TAFA2: variants seen among roughly 807,000 people sequenced by gnomAD.
The protein encoded by TAFA2 is chemokine-like protein TAFA-2.
A neutral mutation model predicts 18.8 loss-of-function variants in TAFA2; 7 were observed. The ratio of observed to expected loss-of-function variants is 0.37; its 90% confidence interval spans 0.21 to 0.70. The LOEUF (loss-of-function observed/expected upper bound fraction) is 0.70. Ranked by LOEUF, TAFA2 falls within the 30% of genes least tolerant of loss-of-function variation. The pLI, the probability that TAFA2 is intolerant of heterozygous loss-of-function variation, is 0.53. For missense variants in TAFA2, 122 were observed against 158.1 expected (o/e 0.77, Z 1.23); for synonymous variants, 60 against 54.2 (o/e 1.11, Z -0.47).
chr12:61,910,118 G>A (rs1028750474), intron 1 of TAFA2, among the ~76,000 whole-genome samples: 2 of 151,394 alleles, frequency 1.3e-5, no homozygotes, highest in Non-Finnish European at 2.9e-5. Context: ...GTGTGTGTGT[G>A]TGTGTGTGTG....
At chr12:61,903,083 A>G (rs761358532) in intron 1 of TAFA2, among the ~76,000 whole-genome samples, 5 of 152,056 alleles carry the variant, frequency 3.3e-5, no homozygotes, top group Non-Finnish European at 7.4e-5. Context: ...TCACCACACA[A>G]TTCTTTCTAC....
rs533422014 is a variant in TAFA2 at position 61,901,797 on chromosome 12, C to T, written c.-1-34371G>A. Among the ~76,000 whole-genome samples, 5 of 152,220 alleles carry T rather than the reference C, an allele frequency of 3.3e-5. No individual in the cohort carries two copies. The South Asian group carries it at 1.0e-3, about 32-fold the overall frequency. ...TCGGGAGGCAATTTTTGATTGTATA[C>T]CATGCCAGTTACTGGTTATTACAAT... On this transcript the variant is annotated intron_variant, in intron 1 of 4. Coordinates refer to ENST00000416284, the MANE Select transcript of TAFA2 (RefSeq NM_178539.5).
At position 62,048,846 on chromosome 12, in the gene TAFA2, T is replaced by A. The variant is rs557061936; in HGVS notation, c.-2+142413A>T. On this transcript the variant is annotated intron_variant, in intron 1 of 4. Coordinates refer to ENST00000416284, the MANE Select transcript of TAFA2 (RefSeq NM_178539.5). ...ATGACAGCACGACCAGCAGTGTGTA[T>A]TTCAGCTGAGTACTGCATATATAGG... 3.3e-5 allele frequency among the ~76,000 whole-genome samples: 5 copies of A among 152,296 alleles called. No individual in the cohort carries two copies. In the South Asian group the frequency reaches 1.0e-3, roughly 32 times the overall value.
chr12:62,041,803 T>C (rs1313781626), intron 1 of TAFA2, among the ~76,000 whole-genome samples: 1 of 152,202 alleles, frequency 6.6e-6, no homozygotes, highest in Non-Finnish European at 1.5e-5. Flanking sequence ...CATAAAGGTT[T>C]ATGCTTTAAT....
chr12:61,983,649 A>C (rs909252673), intron 1 of TAFA2, among the ~76,000 whole-genome samples: 1 of 152,022 alleles, frequency 6.6e-6, no homozygotes, highest in Non-Finnish European at 1.5e-5. Context: ...CTCGTGATCC[A>C]CCTGCCTTGC....
intron 1 of TAFA2, among the ~76,000 whole-genome samples, chr12:62,111,899 T>A (rs1869749277): frequency 6.6e-6 from 1 of 152,192 alleles, no homozygotes; most frequent in South Asian, 2.1e-4. Flanking sequence ...GTGAGATAGG[T>A]CTCTTGAATA....
At chr12:61,795,164 G>A (rs547184719) in intron 2 of TAFA2, among the ~76,000 whole-genome samples, 266 of 152,246 alleles carry the variant, frequency 1.7e-3, no homozygotes, top group African/African-American at 5.6e-3. Context: ...TTGTGGAAGA[G>A]AGTGTGGCAA....
intron 1 of TAFA2, chr12:62,207,391 G>A (rs2062696463): frequency 6.6e-6 from 1 of 151,996 alleles, no homozygotes; most frequent in African/African-American, 2.4e-5. Flanking sequence ...CATTCTCCTA[G>A]CTACTAGAGT....
chr12:61,962,687 C>T (rs1364742698), intron 1 of TAFA2, among the ~76,000 whole-genome samples: 6 of 151,970 alleles, frequency 3.9e-5, no homozygotes, highest in African/African-American at 1.2e-4. Context: ...TCTTTCTATG[C>T]TCATGTAAAA....
chr12:62,069,333 C>T (rs983203189), intron 1 of TAFA2, among the ~76,000 whole-genome samples: 1 of 152,140 alleles, frequency 6.6e-6, no homozygotes, highest in Non-Finnish European at 1.5e-5. Flanking sequence ...TAATCTGATG[C>T]TCTTACTATG....
chr12:62,015,629 A>C (rs1354587284), intron 1 of TAFA2, among the ~76,000 whole-genome samples: 2 of 152,186 alleles, frequency 1.3e-5, no homozygotes, highest in Non-Finnish European at 2.9e-5. Flanking sequence ...TGCCCTCATG[A>C]TGTGATAATG....
chr12:61,978,496 T>C (rs1374154663), intron 1 of TAFA2, among the ~76,000 whole-genome samples: 3 of 151,838 alleles, frequency 2.0e-5, no homozygotes, highest in African/African-American at 4.8e-5. Flanking sequence ...GAAAGGAGGA[T>C]TGACATACAC....
At chr12:61,893,494 A>C (rs1377807966) in intron 1 of TAFA2, among the ~76,000 whole-genome samples, 1 of 152,162 alleles carries the variant, frequency 6.6e-6, no homozygotes, top group South Asian at 2.1e-4. Context: ...TCTGGTAGAG[A>C]GGGTGAAGTG....
At chr12:62,160,956 G>C (rs980028510) in intron 1 of TAFA2, among the ~76,000 whole-genome samples, 1 of 152,056 alleles carries the variant, frequency 6.6e-6, no homozygotes, top group Non-Finnish European at 1.5e-5. Flanking sequence ...ATGAATGAAT[G>C]AATGAATGAA....
chr12:62,112,476 C>T (rs1869778145), intron 1 of TAFA2, among the ~76,000 whole-genome samples: 1 of 152,066 alleles, frequency 6.6e-6, no homozygotes, highest in East Asian at 1.9e-4. Context: ...TGGGATTGCT[C>T]TTCTCAAGGA....
In TAFA2 at chr12:61,815,178, T is replaced by C. The variant is rs972335613; in HGVS notation, c.106+52142A>G. ...GGAGGACATATATCTACTATATATT[T>C]TCTAGGAAGATAGGCATTGGATTGG... On this transcript the variant is annotated intron_variant, in intron 2 of 4. Coordinates refer to ENST00000416284, the MANE Select transcript of TAFA2 (RefSeq NM_178539.5). 5.3e-5 allele frequency among the ~76,000 whole-genome samples: 8 copies of C among 151,466 alleles called. 1 individual carries two copies. Among genetic ancestry groups the C allele is most frequent in the African/African-American group, 2.0e-4 (8 of 40,732 alleles).
chr12:62,017,948 A>T (rs142311096), intron 1 of TAFA2, among the ~76,000 whole-genome samples: 2 of 152,274 alleles, frequency 1.3e-5, no homozygotes, highest in African/African-American at 4.8e-5. Flanking sequence ...CTTCTTATTC[A>T]TCTCCCATGG....
intron 2 of TAFA2, among the ~76,000 whole-genome samples, chr12:61,858,970 T>G (rs1160075245): frequency 6.6e-6 from 1 of 152,166 alleles, no homozygotes; most frequent in African/African-American, 2.4e-5. Context: ...ACATTGACAG[T>G]AAGAAGCAAA....
At chr12:62,174,788 A>C (rs1242103532) in intron 1 of TAFA2, among the ~76,000 whole-genome samples, 1 of 152,348 alleles carries the variant, frequency 6.6e-6, no homozygotes, top group East Asian at 1.9e-4. Flanking sequence ...CCTCATTTTG[A>C]ATACGAATAT....
Sources: allele counts gnomAD v4.1 joint callset (sites outside exome capture counted in the v4.1 genomes callset), GRCh38; gene constraint gnomAD v4.1.1; transcripts MANE v1.5; gene names NCBI Gene and HGNC (gene_info 2026-07-23, HGNC 2026-07-21).